The following CLTB variants were observed in gnomAD, a reference collection of about 807,000 sequenced individuals.
The protein encoded by CLTB is clathrin light chain B, also known as clathrin, light chain (Lcb).
CLTB carries 10 observed loss-of-function variants against 30.5 expected under a neutral mutation model. The observed-to-expected ratio is 0.33, with a 90% CI of 0.20 to 0.56. The LOEUF is 0.56. Ranked by LOEUF, CLTB falls within the 20% of genes least tolerant of loss-of-function variation. The pLI, the probability that CLTB is intolerant of heterozygous loss-of-function variation, is 0.91. For synonymous variants in CLTB, 102 were observed against 120.3 expected, an observed-to-expected ratio of 0.85 and a Z score of 1.00; for missense variants, 261 against 308.3, an observed-to-expected ratio of 0.85 and a Z score of 1.15.
intron 2 of CLTB, among the ~76,000 whole-genome samples, chr5:176,403,049 A>ATTTTTT (rs34807992): frequency 7.2e-6 from 1 of 138,010 alleles, no homozygotes; most frequent in African/African-American, 2.7e-5. Flanking sequence ...GCCTGCCCTA[A>ATTTTTT]TTTTTTTTTT....
intron 1 of CLTB, among the ~76,000 whole-genome samples, chr5:176,415,007 G>A (rs1330207567): frequency 6.6e-6 from 1 of 152,138 alleles, no homozygotes; most frequent in Non-Finnish European, 1.5e-5. Flanking sequence ...TACTACAACA[G>A]GCCCATAAAC....
chr5:176,413,327 G>A (rs557351998), intron 1 of CLTB, among the ~76,000 whole-genome samples: 200 of 152,340 alleles, frequency 1.3e-3, no homozygotes, highest in African/African-American at 4.5e-3. Context: ...GAGGCCCAGC[G>A]GGGGAAATGG....
At chr5:176,411,229 GC>G (rs1757413761) in intron 1 of CLTB, among the ~76,000 whole-genome samples, 1 of 152,102 alleles carries the variant, frequency 6.6e-6, no homozygotes, top group Admixed American at 6.5e-5. Context: ...CCATTCACAG[GC>G]CCCCTTGACT....
rs377687715 is a variant in CLTB, at chr5:176,416,305, T to G, written c.59A>C (p.Glu20Ala). Residue 20 changes from glutamate to alanine, a missense_variant, in exon 1 of 6, where the codon GAG becomes GCG. This residue lies in a region of CLTB where 113 missense variants were observed against 102.5 expected (regional missense o/e 1.10). Coordinates refer to ENST00000310418, the MANE Select transcript of CLTB (RefSeq NM_007097.5). ...CAGGAAGGCGGCCGCCGGGTCCTCCTCCGCCGCCTCCGGGGCACCGCTCTC... is the reference window on the plus strand; with the variant it reads ...CAGGAAGGCGGCCGCCGGGTCCTCCGCCGCCGCCTCCGGGGCACCGCTCTC... ...SSESGAPEAA[E>A]EDPAAAFLAQ... is the part of the protein sequence containing the mutation. 2.2e-5 allele frequency: 35 copies of G among 1,604,544 alleles called. No individual in the cohort carries two copies. The highest frequency in any genetic ancestry group is 2.8e-5 in the Non-Finnish European group (33 of 1,176,976).
chr5:176,400,813 C>A (rs1436693852), intron 2 of CLTB, among the ~76,000 whole-genome samples: 1 of 152,194 alleles, frequency 6.6e-6, no homozygotes, highest in Non-Finnish European at 1.5e-5. Context: ...CCCACCTATC[C>A]TTAGTGCCTG....
chr5:176,400,043 T>C (rs1006165168), intron 2 of CLTB, among the ~76,000 whole-genome samples: 2 of 151,610 alleles, frequency 1.3e-5, no homozygotes. Flanking sequence ...AACACAAAAT[T>C]AGCTGGGTGT....
intron 2 of CLTB, chr5:176,406,112 C>T: frequency 4.1e-6 from 4 of 977,332 alleles, no homozygotes; most frequent in Non-Finnish European, 4.9e-6. Flanking sequence ...CCTACCCTTG[C>T]CAGTGACAGT....
At chr5:176,405,780 G>A (rs1427648744) in intron 2 of CLTB, 1 of 152,008 alleles carries the variant, frequency 6.6e-6, no homozygotes, top group East Asian at 1.9e-4. Context: ...CTGGACTCGC[G>A]ACCTTTGAGA....
At chr5:176,394,716 G>A (rs1475757298) in intron 5 of CLTB, among the ~76,000 whole-genome samples, 3 of 152,138 alleles carry the variant, frequency 2.0e-5, no homozygotes, top group Non-Finnish European at 4.4e-5. Context: ...TCAGGAGGCC[G>A]AGGCAGAAGA....
chr5:176,396,918 G>A (rs1014566814), intron 4 of CLTB, among the ~76,000 whole-genome samples: 4 of 151,488 alleles, frequency 2.6e-5, no homozygotes, highest in African/African-American at 7.3e-5. Context: ...TTTTTTCTTC[G>A]TACCCAGGTC....
chr5:176,402,747 C>T (rs1426576167), intron 2 of CLTB, among the ~76,000 whole-genome samples: 1 of 152,142 alleles, frequency 6.6e-6, no homozygotes, highest in East Asian at 1.9e-4. Context: ...ACAGGGAGTC[C>T]CTCACAAATG....
At chr5:176,400,596 C>T (rs548839149) in intron 2 of CLTB, among the ~76,000 whole-genome samples, 3 of 152,374 alleles carry the variant, frequency 2.0e-5, no homozygotes, top group East Asian at 1.9e-4. Flanking sequence ...GCCACACCCG[C>T]TCTGGCACCC....
intron 5 of CLTB, among the ~76,000 whole-genome samples, chr5:176,394,546 G>A (rs909957020): frequency 2.5e-4 from 38 of 151,760 alleles, no homozygotes; most frequent in Admixed American, 1.1e-3. Flanking sequence ...GGCCAGGCGC[G>A]GTGGCTCATG....
intron 5 of CLTB, among the ~76,000 whole-genome samples, chr5:176,394,514 A>C (rs1363335078): frequency 6.6e-6 from 1 of 151,864 alleles, no homozygotes. Context: ...TCTACTAAAA[A>C]TACAAAAAAT....
Position 176,397,634 on chromosome 5 carries a change from T to C in CLTB, c.437A>G (p.Gln146Arg). 6.2e-7 allele frequency: 1 copy of C among 1,610,006 alleles called. No individual in the cohort carries two copies. The highest frequency in any genetic ancestry group is 8.5e-7 in the Non-Finnish European group (1 of 1,178,062). ...GTTGTTGATCTTGTTCTTCTCTACT[T>C]GTTCACTCTGGCGCTGGTTCCACTC... ...LEEWNQRQSE[Q>R]VEKNKINNRI... Residue 146 changes from glutamine to arginine, a missense_variant, in exon 4 of 6, where the codon CAA becomes CGA. Gln to Arg is a conservative substitution (Grantham distance 43). Coordinates refer to ENST00000310418, the MANE Select transcript of CLTB (RefSeq NM_007097.5).
chr5:176,403,628 A>C (rs1756953281), intron 2 of CLTB, among the ~76,000 whole-genome samples: 1 of 150,644 alleles, frequency 6.6e-6, no homozygotes, highest in Admixed American at 6.6e-5. Context: ...TAATTTTTGT[A>C]TTTTTAGTAG....
At chr5:176,416,065 G>C in intron 1 of CLTB, 112 bp downstream of exon 1, 2 of 993,262 alleles carry the variant, frequency 2.0e-6, no homozygotes, top group Non-Finnish European at 2.8e-6. Flanking sequence ...ACGTCTCCCA[G>C]CTCCTGCCCC....
intron 1 of CLTB, among the ~76,000 whole-genome samples, chr5:176,414,235 G>A (rs1198974655): frequency 6.6e-6 from 1 of 152,184 alleles, no homozygotes; most frequent in Non-Finnish European, 1.5e-5. Context: ...TCACAGAGGT[G>A]TGGTCCAGTG....
chr5:176,398,118 G>C lies in CLTB; in HGVS notation c.235-71C>G. 4.3e-6 allele frequency: 6 copies of C among 1,393,298 alleles called. No individual in the cohort carries two copies. The South Asian group carries it at 7.0e-5, about 16-fold the overall frequency. 86.3% of individuals were successfully genotyped at this position (1,393,298 alleles called of 1,614,324 possible). A position where few individuals can be genotyped will look rare whatever the true frequency, so the allele number is the denominator to read the frequency against. On this transcript the variant is annotated intron_variant, in intron 2 of 5. Transcript: ENST00000310418. The stretch of plus-strand genomic sequence containing the variant: ...CCGCTGTCTCTGCTGCCCCTGCTGG[G>C]GACCCACTCATGTCTGGATAACTCA...
Sources: allele counts gnomAD v4.1 joint callset (sites outside exome capture counted in the v4.1 genomes callset), GRCh38; gene constraint gnomAD v4.1.1; regional missense constraint gnomAD v4.1.1; transcripts MANE v1.5; gene names NCBI Gene and HGNC (gene_info 2026-07-23, HGNC 2026-07-21).